The following GPC5 variants were observed in gnomAD, a reference collection of about 807,000 sequenced individuals.
The protein encoded by GPC5 is glypican 5, also known as glypican-5.
GPC5 carries 47 observed loss-of-function variants against 53.9 expected under a neutral mutation model. The observed-to-expected ratio is 0.87, with a 90% CI of 0.69 to 1.11. GPC5 has a LOEUF of 1.11. Among genes scored for constraint, GPC5 ranks in the 50% most tolerant of loss-of-function variants. The probability of loss-of-function intolerance (pLI) is 0.00; values close to 1 mark genes in which losing one functional copy is unlikely to be tolerated. For missense variants in GPC5, 748 were observed against 713.1 expected (o/e 1.05, Z -0.56); for synonymous variants, 286 against 263.3 (o/e 1.09, Z -0.84).
intron 7 of GPC5, among the ~76,000 whole-genome samples, chr13:92,161,331 C>T (rs2041986444): frequency 6.6e-6 from 1 of 152,092 alleles, no homozygotes. Flanking sequence ...GAACAACTGC[C>T]TCACAGTCCC....
chr13:92,284,506 A>T (rs1435550267), intron 7 of GPC5, among the ~76,000 whole-genome samples: 1 of 152,184 alleles, frequency 6.6e-6, no homozygotes, highest in Non-Finnish European at 1.5e-5. Flanking sequence ...AATGCTGACA[A>T]ACCAAATCCA....
intron 7 of GPC5, among the ~76,000 whole-genome samples, chr13:92,634,494 A>G (rs1468873376): frequency 6.6e-6 from 1 of 152,048 alleles, no homozygotes. Flanking sequence ...GAGTTTTCTT[A>G]TATTGAGTAT....
chr13:91,732,901 A>G lies in GPC5; in HGVS notation c.1154+4236A>G, dbSNP rs1177027700. ...TCTATATATTTGTTTTGGTACCAGT[A>G]CCATGTTGTTTTGGTTGCTGTAGCC... On this transcript the variant is annotated intron_variant, in intron 4 of 7. Transcript: ENST00000377067. 5.3e-5 allele frequency among the ~76,000 whole-genome samples: 8 copies of G among 152,250 alleles called. No homozygotes were observed. In the East Asian group the frequency reaches 7.7e-4, roughly 15 times the overall value.
At chr13:92,198,235 C>G (rs1047788408) in intron 7 of GPC5, among the ~76,000 whole-genome samples, 2 of 152,112 alleles carry the variant, frequency 1.3e-5, no homozygotes, top group South Asian at 4.1e-4. Context: ...TATGATATGT[C>G]TCTCCACACT....
intron 7 of GPC5, among the ~76,000 whole-genome samples, chr13:92,605,651 G>C (rs570498342): frequency 9.6e-4 from 144 of 150,102 alleles, no homozygotes; most frequent in African/African-American, 3.4e-3. Flanking sequence ...CTGCAGTGGC[G>C]CAATCTCGGC....
chr13:92,455,706 A>G (rs949823632), intron 7 of GPC5, among the ~76,000 whole-genome samples: 1 of 152,198 alleles, frequency 6.6e-6, no homozygotes, highest in African/African-American at 2.4e-5. Context: ...CTGAAACTGT[A>G]TATGTTTTTG....
At chr13:92,514,001 C>T (rs1007127499) in intron 7 of GPC5, among the ~76,000 whole-genome samples, 1 of 151,740 alleles carries the variant, frequency 6.6e-6, no homozygotes, top group African/African-American at 2.4e-5. Flanking sequence ...AAAGAAATGG[C>T]CTTTGAATGT....
At chr13:92,474,888 G>T (rs1879045402) in intron 7 of GPC5, among the ~76,000 whole-genome samples, 1 of 152,174 alleles carries the variant, frequency 6.6e-6, no homozygotes, top group East Asian at 1.9e-4. Context: ...AAAAATATCT[G>T]CTGAGCTTAG....
chr13:91,591,115 A>C (rs936649651), intron 2 of GPC5, among the ~76,000 whole-genome samples: 1 of 152,228 alleles, frequency 6.6e-6, no homozygotes, highest in Non-Finnish European at 1.5e-5. Context: ...TAGGCACCTC[A>C]TAAGTGTTTG....
intron 6 of GPC5, among the ~76,000 whole-genome samples, chr13:91,921,562 C>T (rs2039714876): frequency 1.3e-5 from 2 of 151,860 alleles, no homozygotes; most frequent in African/African-American, 4.8e-5. Context: ...TACAGGATAT[C>T]AAAAAGATTT....
intron 7 of GPC5, among the ~76,000 whole-genome samples, chr13:92,397,591 A>C (rs1448246846): frequency 6.6e-6 from 1 of 152,180 alleles, no homozygotes; most frequent in Non-Finnish European, 1.5e-5. Context: ...TCTTTGCTGT[A>C]ATTCCGTGAA....
Position 91,657,864 on chromosome 13 carries a change from T to C in GPC5, c.326-35323T>C, listed in dbSNP as rs2034886290. Reference sequence around the variant, plus strand: ...CATACATGTAGAAAGTATGGTTCCTTTTAAAAATTTAAAAAAATACATTTG... The same window carrying C: ...CATACATGTAGAAAGTATGGTTCCTCTTAAAAATTTAAAAAAATACATTTG... On this transcript the variant is annotated intron_variant, in intron 2 of 7. Transcript: ENST00000377067. Among the ~76,000 whole-genome samples, 4 of 152,272 alleles carry C rather than the reference T, an allele frequency of 2.6e-5. No homozygotes were observed. The South Asian group carries it at 8.3e-4, about 32-fold the overall frequency.
intron 6 of GPC5, among the ~76,000 whole-genome samples, chr13:92,006,218 A>G (rs766002317): frequency 9.2e-5 from 14 of 152,196 alleles, no homozygotes; most frequent in Admixed American, 2.6e-4. Context: ...AAATGATGGC[A>G]TAGTCTGAAT....
intron 7 of GPC5, among the ~76,000 whole-genome samples, chr13:92,616,461 GT>G (rs1419458392): frequency 1.3e-5 from 2 of 152,150 alleles, no homozygotes; most frequent in African/African-American, 4.8e-5. Context: ...GACATAACTG[GT>G]AAATGTGAAA....
chr13:92,222,760 T>C (rs531392997), intron 7 of GPC5, among the ~76,000 whole-genome samples: 4 of 152,294 alleles, frequency 2.6e-5, no homozygotes, highest in African/African-American at 9.6e-5. Flanking sequence ...GTTATTCTCA[T>C]AGGATTTCAA....
intron 7 of GPC5, among the ~76,000 whole-genome samples, chr13:92,856,235 A>G (rs1362408581): frequency 1.3e-5 from 2 of 152,094 alleles, no homozygotes; most frequent in African/African-American, 4.8e-5. Context: ...CACCACATAA[A>G]CAGAATTCTA....
At chr13:91,530,155 C>T (rs990748418) in intron 2 of GPC5, among the ~76,000 whole-genome samples, 2 of 152,198 alleles carry the variant, frequency 1.3e-5, no homozygotes, top group Admixed American at 1.3e-4. Context: ...CTTCAACATA[C>T]ATGGAGAGGA....
intron 6 of GPC5, among the ~76,000 whole-genome samples, chr13:91,988,304 G>A (rs1247021254): frequency 2.6e-5 from 4 of 152,122 alleles, no homozygotes; most frequent in African/African-American, 9.7e-5. Flanking sequence ...AAGCCAGAAA[G>A]TCAAGGAGAC....
chr13:92,139,181 G>GA (rs1190072031), intron 6 of GPC5, among the ~76,000 whole-genome samples: 3 of 152,134 alleles, frequency 2.0e-5, no homozygotes, highest in Non-Finnish European at 4.4e-5. Context: ...TTGGCGATAA[G>GA]AAAAATAATT....
Sources: allele counts gnomAD v4.1 joint callset (sites outside exome capture counted in the v4.1 genomes callset), GRCh38; gene constraint gnomAD v4.1.1; transcripts MANE v1.5; gene names NCBI Gene and HGNC (gene_info 2026-07-23, HGNC 2026-07-21).